The following POLR1D variants were observed in gnomAD, a reference collection of about 807,000 sequenced individuals.
POLR1D encodes RNA polymerase I and III subunit D, also known as DNA-directed RNA polymerases I and III subunit RPAC2.
A neutral mutation model predicts 10.8 loss-of-function variants in POLR1D; 8 were observed. That is an observed-to-expected ratio of 0.74 (90% CI 0.43 to 1.33). The LOEUF is 1.33. POLR1D is among the 40% of genes most tolerant of loss of function. POLR1D has a pLI of 0.01. For missense variants in POLR1D, 152 were observed against 161.7 expected (o/e 0.94, Z 0.32); for synonymous variants, 54 against 57.2 (o/e 0.94, Z 0.25).
At chr13:27,654,044 C>T (rs966538402) in intron 2 of POLR1D, among the ~76,000 whole-genome samples, 5 of 152,170 alleles carry the variant, frequency 3.3e-5, no homozygotes, top group Admixed American at 6.5e-5. Flanking sequence ...GCCCCTTGAA[C>T]GCTCCTTACA....
At chr13:27,627,896 C>T (rs181173923), downstream of POLR1D, among the ~76,000 whole-genome samples, 1 of 147,064 alleles carries the variant, frequency 6.8e-6, no homozygotes, top group East Asian at 2.0e-4. Flanking sequence ...AAAAAAAATG[C>T]TTAAACAAAA....
At chr13:27,649,148 T>C (rs940465119) in intron 2 of POLR1D, among the ~76,000 whole-genome samples, 5 of 152,188 alleles carry the variant, frequency 3.3e-5, no homozygotes, top group African/African-American at 9.6e-5. Flanking sequence ...GGAATTTATA[T>C]CTACAGTTAA....
chr13:27,629,154 A>G (rs952481680), intron 1 of POLR1D, among the ~76,000 whole-genome samples: 4 of 152,142 alleles, frequency 2.6e-5, no homozygotes, highest in African/African-American at 9.7e-5. Context: ...ACAGAAATTG[A>G]TATGTGTGGA....
intron 1 of POLR1D, among the ~76,000 whole-genome samples, chr13:27,635,684 G>T: frequency 7.6e-6 from 1 of 131,938 alleles, no homozygotes; most frequent in African/African-American, 2.8e-5. Flanking sequence ...GTGCTCTATA[G>T]TTACAAAGTA....
At chr13:27,644,059 G>GTTCAGCC (rs1036596730) in intron 1 of POLR1D, among the ~76,000 whole-genome samples, 8 of 152,094 alleles carry the variant, frequency 5.3e-5, no homozygotes, top group Non-Finnish European at 1.2e-4. Context: ...AGCTTCTAAC[G>GTTCAGCC]TTCAGCCTTG....
At chr13:27,666,307 A>G (rs373822887) in exon 3 of POLR1D, 10 of 216,362 alleles carry the variant, frequency 4.6e-5, no homozygotes, top group African/African-American at 2.1e-4. Context: ...TCTCAGAAAA[A>G]TAAAATACTT....
intron 1 of POLR1D, chr13:27,622,386 CTT>C (rs929416484): frequency 5.9e-6 from 2 of 340,810 alleles, no homozygotes; most frequent in Non-Finnish European, 1.1e-5. Flanking sequence ...GCGCTGAGCT[CTT>C]TTTCTCCCTG....
At chr13:27,625,314 GAC>G (rs1395569098), downstream of POLR1D, among the ~76,000 whole-genome samples, 1 of 152,142 alleles carries the variant, frequency 6.6e-6, no homozygotes, top group African/African-American at 2.4e-5. Flanking sequence ...AGCAGAGAGA[GAC>G]ACTATAAAGA....
intron 2 of POLR1D, among the ~76,000 whole-genome samples, chr13:27,654,566 C>T (rs932574163): frequency 4.6e-5 from 7 of 152,116 alleles, no homozygotes; most frequent in Non-Finnish European, 7.4e-5. Context: ...GACAGGCCCA[C>T]CCACATCTGA....
intron 2 of POLR1D, among the ~76,000 whole-genome samples, chr13:27,648,608 T>C (rs1430073729): frequency 3.9e-5 from 6 of 152,274 alleles, no homozygotes; most frequent in Non-Finnish European, 1.5e-5. Context: ...TGCTGAGAAC[T>C]GAATGTTGAG....
rs933248799 is a variant in POLR1D at position 27,622,805 on chromosome 13, T to C, written c.27-70T>C. 6 of 965,010 alleles carry C rather than the reference T, an allele frequency of 6.2e-6. No homozygotes were observed. In the African/African-American group the frequency reaches 8.2e-5, roughly 13 times the overall value. The allele number at this position is 965,010 out of a possible 1,614,324, so 59.8% of individuals were successfully genotyped here. A position where few individuals can be genotyped will look rare whatever the true frequency, so the allele number is the denominator to read the frequency against. ...AATAATGTGTTGCAATGTGATATAG[T>C]AAATGAGAAAAAGCTAGTTACAAAA... On this transcript the variant is annotated intron_variant, in intron 1 of 1. Coordinates refer to ENST00000302979, the MANE Select transcript of POLR1D (RefSeq NM_015972.4).
At chr13:27,657,117 T>C (rs953149685) in intron 2 of POLR1D, among the ~76,000 whole-genome samples, 1 of 152,160 alleles carries the variant, frequency 6.6e-6, no homozygotes, top group Non-Finnish European at 1.5e-5. Context: ...GGGAATGCTA[T>C]CCATTGTAAC....
chr13:27,647,065 G>A (rs567683912), intron 1 of POLR1D, among the ~76,000 whole-genome samples: 10 of 152,092 alleles, frequency 6.6e-5, no homozygotes, highest in Admixed American at 5.2e-4. Context: ...GACTATATTT[G>A]TTTTGGACTA....
Position 27,663,576 on chromosome 13 carries a change from G to A in POLR1D, c.102-2110G>A, listed in dbSNP as rs1176898401. ...CCTCTTGGCGTGAATGCTGCAGTTA[G>A]TAGCAGGGCTTTGCTCACCTCGAGG... On this transcript the variant is annotated intron_variant, in intron 2 of 2. Transcript: ENST00000399697. The surrounding 1 kb of genome is among the most constrained non-coding windows in gnomAD (Gnocchi z 4.1). Among the ~76,000 whole-genome samples the A allele has an allele frequency of 6.6e-6, 1 of 152,218 alleles. No homozygotes were observed. Among genetic ancestry groups the A allele is most frequent in the African/African-American group, 2.4e-5 (1 of 41,448 alleles).
downstream of POLR1D, among the ~76,000 whole-genome samples, chr13:27,624,944 C>G (rs562829760): frequency 1.3e-5 from 2 of 151,824 alleles, no homozygotes; most frequent in Non-Finnish European, 2.9e-5. Context: ...AATGTAGGGT[C>G]AAGATAGAAA....
chr13:27,662,675 G>A (rs867339770), intron 2 of POLR1D, among the ~76,000 whole-genome samples: 2 of 152,124 alleles, frequency 1.3e-5, no homozygotes, highest in African/African-American at 2.4e-5. Context: ...AGGTAGATAC[G>A]TCTGTTATTC....
chr13:27,628,688 A>G (rs1041093390), intron 1 of POLR1D, among the ~76,000 whole-genome samples: 2 of 152,202 alleles, frequency 1.3e-5, no homozygotes, highest in Admixed American at 6.5e-5. Flanking sequence ...TTTAATCTGT[A>G]TATGTATTTA....
At position 27,621,957 on chromosome 13, in the gene POLR1D, C is replaced by T; in HGVS notation, c.-27C>T. 6.3e-7 allele frequency: 1 copy of T among 1,587,202 alleles called. No homozygotes were observed. The highest frequency in any genetic ancestry group is 8.6e-7 in the Non-Finnish European group (1 of 1,166,584). On this transcript the variant is annotated 5_prime_UTR_variant, in exon 1 of 2. Coordinates refer to ENST00000302979, the MANE Select transcript of POLR1D (RefSeq NM_015972.4). ...CAGAGCCCCCGATCCGCCAGCACCA[C>T]CTGAGGATCCAGAAACCGCCCCAGC...
chr13:27,641,934 G>A (rs7317895), intron 1 of POLR1D, among the ~76,000 whole-genome samples: 1 of 152,132 alleles, frequency 6.6e-6, no homozygotes, highest in South Asian at 2.1e-4. Flanking sequence ...CAGAGCCAAG[G>A]CCCTAGATGT....
Sources: allele counts gnomAD v4.1 joint callset (sites outside exome capture counted in the v4.1 genomes callset), GRCh38; gene constraint gnomAD v4.1.1; non-coding constraint Gnocchi (gnomAD v3.1); transcripts MANE v1.5; gene names NCBI Gene and HGNC (gene_info 2026-07-23, HGNC 2026-07-21).